KCTD16: variants seen among roughly 807,000 people sequenced by gnomAD.
KCTD16 encodes the protein potassium channel tetramerization domain containing 16.
In KCTD16, 13 loss-of-function variants were observed where a neutral mutation model predicts 33.2. That is an observed-to-expected ratio of 0.39 (90% CI 0.25 to 0.62). KCTD16 has a LOEUF of 0.62. KCTD16 is among the 20% of genes least tolerant of loss of function. The pLI is 0.50. For synonymous variants in KCTD16, 197 were observed against 195.3 expected (o/e 1.01, Z -0.07); for missense variants, 441 against 525.1 (o/e 0.84, Z 1.57).
At chr5:144,183,568 C>T (rs4143971) in intron 2 of KCTD16, among the ~76,000 whole-genome samples, 32,743 of 151,964 alleles carry the variant, frequency 0.22, 3,725 homozygotes, top group East Asian at 0.41. Flanking sequence ...CCATTCTGTT[C>T]CTCTGCCACA....
intron 3 of KCTD16, among the ~76,000 whole-genome samples, chr5:144,226,965 T>G (rs1753951290): frequency 6.6e-6 from 1 of 152,200 alleles, no homozygotes; most frequent in Non-Finnish European, 1.5e-5. Flanking sequence ...CATTATTAAT[T>G]TATTTAACTA....
intron 3 of KCTD16, among the ~76,000 whole-genome samples, chr5:144,212,967 C>G (rs1469357816): frequency 6.6e-6 from 1 of 152,098 alleles, no homozygotes; most frequent in Non-Finnish European, 1.5e-5. Context: ...AAGCAAATCC[C>G]AGACATCAAT....
intron 3 of KCTD16, among the ~76,000 whole-genome samples, chr5:144,349,576 T>C (rs1250325796): frequency 6.6e-6 from 1 of 152,218 alleles, no homozygotes; most frequent in African/African-American, 2.4e-5. Flanking sequence ...GGCAATTGTA[T>C]GGATCTTCTC....
intron 2 of KCTD16, among the ~76,000 whole-genome samples, chr5:144,191,565 A>G (rs1303366214): frequency 6.6e-6 from 1 of 152,106 alleles, no homozygotes; most frequent in Non-Finnish European, 1.5e-5. Context: ...CTGTCTAGTC[A>G]TGATATTTCC....
chr5:144,456,756 C>CTT (rs979520902), intron 3 of KCTD16, among the ~76,000 whole-genome samples: 44 of 138,028 alleles, frequency 3.2e-4, no homozygotes, highest in African/African-American at 8.2e-4. Context: ...CCACAGAACT[C>CTT]TTTTTTTTTT....
intron 2 of KCTD16, among the ~76,000 whole-genome samples, chr5:144,175,235 A>G (rs1752477150): frequency 6.6e-6 from 1 of 152,228 alleles, no homozygotes; most frequent in Non-Finnish European, 1.5e-5. Context: ...CATTTGACAC[A>G]TGAGGAAATT....
intron 3 of KCTD16, among the ~76,000 whole-genome samples, chr5:144,300,952 A>G (rs770853874): frequency 8.5e-5 from 13 of 152,206 alleles, no homozygotes; most frequent in Non-Finnish European, 1.6e-4. Context: ...AGTCATAAAG[A>G]TTATTACGGG....
At chr5:144,310,813 G>A (rs1289309996) in intron 3 of KCTD16, among the ~76,000 whole-genome samples, 1 of 152,086 alleles carries the variant, frequency 6.6e-6, no homozygotes, top group Non-Finnish European at 1.5e-5. Context: ...TACCCAAACT[G>A]AAATTCACTG....
intron 3 of KCTD16, among the ~76,000 whole-genome samples, chr5:144,398,945 A>G (rs1322154034): frequency 1.3e-5 from 2 of 152,170 alleles, no homozygotes; most frequent in African/African-American, 4.8e-5. Flanking sequence ...GCAAGGTTAA[A>G]TATGGGATTC....
At chr5:144,247,665 G>A (rs1313434280) in intron 3 of KCTD16, among the ~76,000 whole-genome samples, 2 of 152,138 alleles carry the variant, frequency 1.3e-5, no homozygotes, top group East Asian at 3.8e-4. Flanking sequence ...CCATGATCAT[G>A]ATTATTATTA....
chr5:144,263,531 T>C (rs1755066187), intron 3 of KCTD16, among the ~76,000 whole-genome samples: 5 of 152,198 alleles, frequency 3.3e-5, no homozygotes, highest in Admixed American at 3.3e-4. Flanking sequence ...AGTCTTTCCT[T>C]CTTTTCATGG....
At chr5:144,314,719 A>G (rs1222376552) in intron 3 of KCTD16, among the ~76,000 whole-genome samples, 1 of 152,226 alleles carries the variant, frequency 6.6e-6, no homozygotes, top group African/African-American at 2.4e-5. Flanking sequence ...TTGAATACAC[A>G]AAGCTTTATT....
Position 144,215,118 on chromosome 5 carries a change from AT to A in KCTD16, c.832+7576del, listed in dbSNP as rs1753520316. ...TTCTAACTTTCACTGAGTGCTAAGC[AT>A]TTTACATACTAGTTGGATTTCTCAC... On this transcript the variant is annotated intron_variant, in intron 3 of 3. Coordinates refer to ENST00000512467, the MANE Select transcript of KCTD16 (RefSeq NM_020768.4). Among the ~76,000 whole-genome samples, 7 of 152,248 alleles carry A rather than the reference AT, an allele frequency of 4.6e-5. No homozygotes were observed. In the South Asian group the frequency reaches 1.5e-3, roughly 32 times the overall value.
At chr5:144,307,612 A>G (rs1751641629) in intron 3 of KCTD16, among the ~76,000 whole-genome samples, 1 of 152,192 alleles carries the variant, frequency 6.6e-6, no homozygotes, top group South Asian at 2.1e-4. Flanking sequence ...AATGGTGGAG[A>G]CAGAGTTTGA....
rs780109122 is a variant in KCTD16, at chr5:144,465,779, C to CTTTTTTTTTTT, written c.833-7875_833-7874insTTTTTTTTTTT. On this transcript the variant is annotated intron_variant, in intron 3 of 3. Transcript: ENST00000512467. The stretch of plus-strand genomic sequence containing the variant: ...TCTTGAACAATTGCTCCAAATTTAA[C>CTTTTTTTTTTT]TTTTTTGTTTTTTTTTTTTTTTGCC... Among the ~76,000 whole-genome samples, 5 of 129,878 alleles carry CTTTTTTTTTTT rather than the reference C, an allele frequency of 3.8e-5. 1 individual carries two copies. The highest frequency in any genetic ancestry group is 6.4e-5 in the Non-Finnish European group (4 of 62,982). The allele number at this position is 129,878 out of a possible 152,430, so 85.2% of individuals were successfully genotyped here.
chr5:144,233,043 A>G (rs374116159), intron 3 of KCTD16, among the ~76,000 whole-genome samples: 141 of 152,152 alleles, frequency 9.3e-4, no homozygotes, highest in African/African-American at 3.2e-3. Context: ...AATTGAGGTT[A>G]TTCCTCAAAG....
At chr5:144,367,936 G>A (rs150759312) in intron 3 of KCTD16, among the ~76,000 whole-genome samples, 1 of 151,152 alleles carries the variant, frequency 6.6e-6, no homozygotes, top group East Asian at 1.9e-4. Flanking sequence ...CTTAAATTCT[G>A]AAATATTAAA....
At chr5:144,264,205 A>G (rs532133435) in intron 3 of KCTD16, among the ~76,000 whole-genome samples, 11 of 152,344 alleles carry the variant, frequency 7.2e-5, no homozygotes, top group African/African-American at 2.2e-4. Context: ...TACTTTTACA[A>G]TCTTTCTCTG....
chr5:144,182,931 C>G (rs1469705253), intron 2 of KCTD16, among the ~76,000 whole-genome samples: 1 of 152,034 alleles, frequency 6.6e-6, no homozygotes, highest in Non-Finnish European at 1.5e-5. Context: ...CATATACATA[C>G]ACAGAGTATC....
Sources: gnomAD v4.1 joint callset for allele counts (sites outside exome capture counted in the v4.1 genomes callset) on GRCh38, gnomAD v4.1.1 for gene constraint, MANE v1.5 for transcripts, NCBI Gene and HGNC (gene_info 2026-07-23, HGNC 2026-07-21) for gene names.